EHBP1: variants seen among roughly 807,000 people sequenced by gnomAD.
EHBP1 encodes EH domain binding protein 1.
EHBP1 carries 55 observed loss-of-function variants against 144.0 expected under a neutral mutation model. The ratio of observed to expected loss-of-function variants is 0.38; its 90% confidence interval spans 0.31 to 0.48. The LOEUF (loss-of-function observed/expected upper bound fraction) is 0.48, where lower values mean the gene tolerates loss of function less well. Among genes scored for constraint, EHBP1 ranks in the 20% least tolerant of loss-of-function variants. EHBP1 has a pLI of 0.98. For synonymous variants in EHBP1, 469 were observed against 472.7 expected, an observed-to-expected ratio of 0.99 and a Z score of 0.10; for missense variants, 1,200 against 1,364.2, an observed-to-expected ratio of 0.88 and a Z score of 1.90.
chr2:62,813,588 T>TC (rs1327369692), intron 5 of EHBP1, among the ~76,000 whole-genome samples: 1 of 152,062 alleles, frequency 6.6e-6, no homozygotes, highest in Non-Finnish European at 1.5e-5. Flanking sequence ...GGCGTGAAAC[T>TC]CCAACACATG....
At chr2:62,686,365 G>A (rs1011135915) in intron 1 of EHBP1, among the ~76,000 whole-genome samples, 2 of 152,172 alleles carry the variant, frequency 1.3e-5, no homozygotes, top group African/African-American at 4.8e-5. Context: ...CCTAATTCCA[G>A]GGCCAAGTCT....
intron 2 of EHBP1, among the ~76,000 whole-genome samples, chr2:62,728,300 A>G (rs1165486279): frequency 2.0e-5 from 3 of 152,216 alleles, no homozygotes; most frequent in Admixed American, 6.5e-5. Flanking sequence ...GTAGGAACTA[A>G]CTTTTTGAAG....
At chr2:62,934,920 G>C (rs1278576922) in intron 10 of EHBP1, among the ~76,000 whole-genome samples, 1 of 152,134 alleles carries the variant, frequency 6.6e-6, no homozygotes, top group Admixed American at 6.5e-5. Context: ...AGGTAAACTT[G>C]AGAGCATTTC....
At chr2:62,933,579 A>G (rs968238881) in intron 10 of EHBP1, among the ~76,000 whole-genome samples, 3 of 152,332 alleles carry the variant, frequency 2.0e-5, no homozygotes, top group Admixed American at 2.0e-4. Context: ...GTACTCATGT[A>G]GATCTTCCAA....
intron 10 of EHBP1, among the ~76,000 whole-genome samples, chr2:62,883,282 T>C (rs143750337): frequency 6.6e-6 from 1 of 152,206 alleles, no homozygotes; most frequent in Admixed American, 6.5e-5. Context: ...GGTGATTAAG[T>C]TTTCTTGTAG....
At chr2:62,853,778 C>A (rs899374948) in intron 7 of EHBP1, among the ~76,000 whole-genome samples, 1 of 152,194 alleles carries the variant, frequency 6.6e-6, no homozygotes, top group Non-Finnish European at 1.5e-5. Flanking sequence ...CACTAATCAC[C>A]TGTACATCTC....
At chr2:62,904,591 C>T (rs1573989153) in intron 10 of EHBP1, among the ~76,000 whole-genome samples, 1 of 152,112 alleles carries the variant, frequency 6.6e-6, no homozygotes, top group East Asian at 1.9e-4. Context: ...ATCAAGGTCC[C>T]TTGGGGAATA....
intron 7 of EHBP1, among the ~76,000 whole-genome samples, chr2:62,836,448 A>G (rs2047264071): frequency 7.1e-6 from 1 of 140,414 alleles, no homozygotes; most frequent in Non-Finnish European, 1.5e-5. Context: ...TCCTCCTCCA[A>G]AGGAACGCAG....
At position 62,990,759 on chromosome 2, in the gene EHBP1, A is replaced by G. The variant is rs751274896; in HGVS notation, c.2652A>G (p.Leu884=). 3 of 1,613,950 alleles carry G rather than the reference A, an allele frequency of 1.9e-6. No homozygotes were observed. The South Asian group carries it at 3.3e-5, about 18-fold the overall frequency. The change falls in exon 16 of 23, where the codon CTA becomes CTG. Residue 884 remains leucine (L), a synonymous_variant. Transcript: ENST00000431489. ...KLVDLKLKKL[L]EVQPQVANSP... ...TGGACTTGAAGCTGAAGAAGCTCCT[A>G]GAAGTTCAGCCACAGGTGGCAAATT...
chr2:62,880,287 C>A (rs1445293002), intron 10 of EHBP1, among the ~76,000 whole-genome samples: 1 of 150,474 alleles, frequency 6.6e-6, no homozygotes, highest in South Asian at 2.1e-4. Context: ...CTAGGAAATA[C>A]CATTATGTGA....
chr2:62,992,372 A>C (rs574035592), intron 16 of EHBP1, among the ~76,000 whole-genome samples: 1 of 152,190 alleles, frequency 6.6e-6, no homozygotes, highest in African/African-American at 2.4e-5. Flanking sequence ...AAAAAATAAA[A>C]TAGTGTTATT....
chr2:62,733,250 G>A (rs2037787501), intron 2 of EHBP1, among the ~76,000 whole-genome samples: 2 of 152,186 alleles, frequency 1.3e-5, no homozygotes. Flanking sequence ...TAGGAGTTGG[G>A]CTCTGTTTAC....
In EHBP1 at chr2:62,998,573, T is replaced by A. The variant is rs566969455; in HGVS notation, c.3103+1807T>A. The stretch of plus-strand genomic sequence containing the variant: ...AAAAAGCTATAAATCCTGTTTCCTC[T>A]CCCTCTTTAGCACTTGGAGCCTGAT... On this transcript the variant is annotated intron_variant, in intron 19 of 22. Coordinates refer to ENST00000431489, the MANE Select transcript of EHBP1 (RefSeq NM_001142616.3). Among the ~76,000 whole-genome samples the A allele has an allele frequency of 2.0e-5, 3 of 152,244 alleles. No individual in the cohort carries two copies. In the South Asian group the frequency reaches 6.2e-4, roughly 32 times the overall value.
intron 10 of EHBP1, among the ~76,000 whole-genome samples, chr2:62,876,644 A>G (rs541215862): frequency 6.6e-6 from 1 of 152,310 alleles, no homozygotes; most frequent in East Asian, 1.9e-4. Flanking sequence ...TGCAGGCTGT[A>G]TAGGAGACAT....
intron 14 of EHBP1, among the ~76,000 whole-genome samples, chr2:62,966,444 T>G (rs2058251688): frequency 2.0e-5 from 3 of 152,174 alleles, no homozygotes; most frequent in Admixed American, 2.0e-4. Context: ...TTATACATTT[T>G]AAATGTATAT....
intron 2 of EHBP1, among the ~76,000 whole-genome samples, chr2:62,719,009 C>G (rs555343510): frequency 1.4e-5 from 2 of 143,496 alleles, no homozygotes; most frequent in South Asian, 4.4e-4. Flanking sequence ...GAGCTAGGGT[C>G]TCACTCCCAT....
chr2:62,685,818 CCTT>C (rs1465259835), intron 1 of EHBP1, among the ~76,000 whole-genome samples: 1 of 151,994 alleles, frequency 6.6e-6, no homozygotes, highest in Non-Finnish European at 1.5e-5. Flanking sequence ...TTCAGAATTC[CCTT>C]CTTCTCATCA....
intron 1 of EHBP1, among the ~76,000 whole-genome samples, chr2:62,695,061 A>T (rs369018596): frequency 6.6e-6 from 1 of 152,202 alleles, no homozygotes; most frequent in Non-Finnish European, 1.5e-5. Context: ...ATTCAAGTAC[A>T]AAATAAAATG....
intron 2 of EHBP1, among the ~76,000 whole-genome samples, chr2:62,746,163 C>T (rs2039131515): frequency 6.6e-6 from 1 of 152,026 alleles, no homozygotes; most frequent in Non-Finnish European, 1.5e-5. Flanking sequence ...CATCATAGAT[C>T]ATACCTTCTT....
Sources: allele counts gnomAD v4.1 joint callset (sites outside exome capture counted in the v4.1 genomes callset), GRCh38; gene constraint gnomAD v4.1.1; transcripts MANE v1.5; gene names NCBI Gene and HGNC (gene_info 2026-07-23, HGNC 2026-07-21).